Variants in ZFP92 observed in about 807,000 individuals in gnomAD.
The protein encoded by ZFP92 is ZFP92 zinc finger protein, also known as zinc finger protein 92 homolog.
A neutral mutation model predicts 7.6 loss-of-function variants in ZFP92; 2 were observed. That is an observed-to-expected ratio of 0.26 (90% confidence interval 0.11 to 0.83). The LOEUF is 0.83. ZFP92 is among the 40% of genes least tolerant of loss of function. The pLI is 0.65. For synonymous variants in ZFP92, 226 were observed against 183.6 expected, an observed-to-expected ratio of 1.23 and a Z score of -1.87; for missense variants, 324 against 408.3, an observed-to-expected ratio of 0.79 and a Z score of 1.78.
chrX:153,423,677 C>T lies in ZFP92; in HGVS notation c.*2049C>T, dbSNP rs2089023497. 8.8e-6 allele frequency: 1 copy of T among 113,551 alleles called. No individual in the cohort carries two copies. Among genetic ancestry groups the T allele is most frequent in the African/African-American group, 3.2e-5 (1 of 31,314 alleles). The allele number at this position is 113,551 out of a possible 1,213,427, so 9.4% of individuals were successfully genotyped here. A position where few individuals can be genotyped will look rare whatever the true frequency, so the allele number is the denominator to read the frequency against. The stretch of plus-strand genomic sequence containing the variant: ...TAGCACCTCAGACTCAGGCTTGGGA[C>T]CATTGTCGGCTCCAGCCTTGCCTTG... On this transcript the variant is annotated 3_prime_UTR_variant, in exon 6 of 6. Coordinates refer to ENST00000338647, the MANE Select transcript of ZFP92 (RefSeq NM_001136273.2).
chrX:153,419,423 C>A (rs1297851855), intron 4 of ZFP92, among the ~76,000 whole-genome samples: 1 of 112,601 alleles, frequency 8.9e-6, no homozygotes, highest in Non-Finnish European at 1.9e-5. Flanking sequence ...GGCCGGAGCA[C>A]TCAGGAAGGT....
chrX:153,425,610 G>A lies in ZFP92; in HGVS notation c.*3982G>A, dbSNP rs782597056. 112 of 111,832 alleles carry A rather than the reference G, an allele frequency of 1.0e-3. 1 individual carries two copies. Among genetic ancestry groups the A allele is most frequent in the African/African-American group, 3.4e-3 (105 of 30,820 alleles). The allele number at this position is 111,832 out of a possible 1,213,427, so 9.2% of individuals were successfully genotyped here. On this transcript the variant is annotated 3_prime_UTR_variant, in exon 6 of 6. Coordinates refer to ENST00000338647, the MANE Select transcript of ZFP92 (RefSeq NM_001136273.2). ...CACCACAAATTTTATAACTGTAGTC[G>A]TCTCGATGGTTGTGATGCCCATGAG... is the stretch of plus-strand genomic sequence containing the variant.
chrX:153,417,345 TTG>T (rs1177399747), intron 2 of ZFP92, among the ~76,000 whole-genome samples: 2 of 112,304 alleles, frequency 1.8e-5, no homozygotes, highest in Non-Finnish European at 3.8e-5. Context: ...TGCTGTGCTG[TTG>T]GCTGGCTACT....
chrX:153,420,677 G>A lies in ZFP92; in HGVS notation c.300G>A (p.Thr100=). 3 of 1,121,947 alleles carry A rather than the reference G, an allele frequency of 2.7e-6. No homozygotes were observed. The highest frequency in any genetic ancestry group is 3.5e-6 in the Non-Finnish European group (3 of 850,211). 92.5% of individuals were successfully genotyped at this position (1,121,947 alleles called of 1,213,427 possible). A position where few individuals can be genotyped will look rare whatever the true frequency, so the allele number is the denominator to read the frequency against. Residue 100 remains threonine (T), a synonymous_variant, in exon 6 of 6, where the codon ACG becomes ACA. Coordinates refer to ENST00000338647, the MANE Select transcript of ZFP92 (RefSeq NM_001136273.2). ...DRTQSKTSTS[T]QKHSGRQLPG... ...CACAGAGCAAGACGTCGACTTCAACGCAGAAGCATTCTGGACGACAACTCC... is the reference window on the plus strand; with the variant it reads ...CACAGAGCAAGACGTCGACTTCAACACAGAAGCATTCTGGACGACAACTCC...
chrX:153,418,462 T>C, intron 3 of ZFP92, 107 bp downstream of exon 3: 1 of 1,043,268 alleles, frequency 9.6e-7, no homozygotes, highest in Middle Eastern at 2.8e-4. Context: ...GCCCTTAGCA[T>C]CGTTTTCCTT....
chrX:153,418,398 C>G, intron 3 of ZFP92, 43 bp downstream of exon 3: 1 of 1,158,105 alleles, frequency 8.6e-7, no homozygotes, highest in Non-Finnish European at 1.2e-6. Flanking sequence ...CCTGGCAGCC[C>G]CCGTCTGCTG....
At chrX:153,414,317 C>T (rs1264006297) in intron 2 of ZFP92, among the ~76,000 whole-genome samples, 3 of 111,421 alleles carry the variant, frequency 2.7e-5, no homozygotes, top group Non-Finnish European at 5.7e-5. Flanking sequence ...TTTCTTTTCC[C>T]TCCTTTTTGA....
At chrX:153,415,523 C>G (rs2088944420) in intron 2 of ZFP92, among the ~76,000 whole-genome samples, 1 of 111,599 alleles carries the variant, frequency 9.0e-6, no homozygotes, top group Admixed American at 9.5e-5. Context: ...CTTCTTCCAC[C>G]TTTCGGCTCT....
At position 153,424,430 on chromosome X, in the gene ZFP92, G is replaced by A. The variant is rs2089029351; in HGVS notation, c.*2802G>A. On this transcript the variant is annotated 3_prime_UTR_variant, in exon 6 of 6. Coordinates refer to ENST00000338647, the MANE Select transcript of ZFP92 (RefSeq NM_001136273.2). The stretch of plus-strand genomic sequence containing the variant: ...TGAACGGGTTTCACATGGAATCAAA[G>A]TCAGAATGTTCGAAAAGGACATTTG... 8.9e-6 allele frequency: 1 copy of A among 112,452 alleles called. No individual in the cohort carries two copies. The highest frequency in any genetic ancestry group is 9.4e-5 in the Admixed American group (1 of 10,643). The allele number at this position is 112,452 out of a possible 1,213,427, so 9.3% of individuals were successfully genotyped here.
rs2089024161 is a variant in ZFP92, at chrX:153,423,760, G to A, written c.*2132G>A. 1 of 113,852 alleles carries A rather than the reference G, an allele frequency of 8.8e-6. No homozygotes were observed. The highest frequency in any genetic ancestry group is 9.2e-5 in the Admixed American group (1 of 10,890). The allele number at this position is 113,852 out of a possible 1,213,427, so 9.4% of individuals were successfully genotyped here. On this transcript the variant is annotated 3_prime_UTR_variant, in exon 6 of 6. Transcript: ENST00000338647. ...TCCAGAAAAAGAAGTATTAGGAATG[G>A]TGTATTTGAAGTCCCTGATGAGGCC...
At position 153,423,748 on chromosome X, in the gene ZFP92, G is replaced by C. The variant is rs2089024095; in HGVS notation, c.*2120G>C. ...GACTTTGGGTTTTCCAGAAAAAGAAGTATTAGGAATGGTGTATTTGAAGTC... is the reference window on the plus strand; with the variant it reads ...GACTTTGGGTTTTCCAGAAAAAGAACTATTAGGAATGGTGTATTTGAAGTC... On this transcript the variant is annotated 3_prime_UTR_variant, in exon 6 of 6. Coordinates refer to ENST00000338647, the MANE Select transcript of ZFP92 (RefSeq NM_001136273.2). 1 of 113,912 alleles carries C rather than the reference G, an allele frequency of 8.8e-6. No homozygotes were observed. The highest frequency in any genetic ancestry group is 3.2e-5 in the African/African-American group (1 of 31,441). 9.4% of individuals were successfully genotyped at this position (113,912 alleles called of 1,213,427 possible).
intron 2 of ZFP92, among the ~76,000 whole-genome samples, chrX:153,417,943 G>A (rs1336278893): frequency 2.7e-5 from 3 of 112,027 alleles, no homozygotes; most frequent in South Asian, 3.8e-4. Context: ...ATGGCCACAC[G>A]AAGACAGAGG....
At position 153,423,414 on chromosome X, in the gene ZFP92, A is replaced by ACT. The variant is rs1481633945; in HGVS notation, c.*1787_*1788insTC. 2 of 110,963 alleles carry ACT rather than the reference A, an allele frequency of 1.8e-5. No individual in the cohort carries two copies. The highest frequency in any genetic ancestry group is 5.7e-4 in the East Asian group (2 of 3,507). 9.1% of individuals were successfully genotyped at this position (110,963 alleles called of 1,213,427 possible). A position where few individuals can be genotyped will look rare whatever the true frequency, so the allele number is the denominator to read the frequency against. Reference sequence around the variant, plus strand: ...GTTATACACACACACACACACACACACACACACACACACACACACGATATA... The same window carrying ACT: ...GTTATACACACACACACACACACACACTCACACACACACACACACACGATATA... On this transcript the variant is annotated 3_prime_UTR_variant, in exon 6 of 6. Transcript: ENST00000338647.
chrX:153,422,940 C>T lies in ZFP92; in HGVS notation c.*1312C>T, dbSNP rs374449965. The T allele has an allele frequency of 8.9e-6, 1 of 112,657 alleles. No homozygotes were observed. The highest frequency in any genetic ancestry group is 9.3e-5 in the Admixed American group (1 of 10,752). The allele number at this position is 112,657 out of a possible 1,213,427, so 9.3% of individuals were successfully genotyped here. On this transcript the variant is annotated 3_prime_UTR_variant, in exon 6 of 6. Coordinates refer to ENST00000338647, the MANE Select transcript of ZFP92 (RefSeq NM_001136273.2). Reference sequence around the variant, plus strand: ...CCCCCAGATGAGTGTGGTGGCAAGCCTGGCCCCTCTTCTCCCTACAACGAT... The same window carrying T: ...CCCCCAGATGAGTGTGGTGGCAAGCTTGGCCCCTCTTCTCCCTACAACGAT...
rs1290513086 is a variant in ZFP92 at position 153,421,945 on chromosome X, C to A, written c.*317C>A. 8 of 165,533 alleles carry A rather than the reference C, an allele frequency of 4.8e-5. No homozygotes were observed. The highest frequency in any genetic ancestry group is 2.5e-4 in the African/African-American group (8 of 32,372). The allele number at this position is 165,533 out of a possible 1,213,427, so 13.6% of individuals were successfully genotyped here. On this transcript the variant is annotated 3_prime_UTR_variant, in exon 6 of 6. Coordinates refer to ENST00000338647, the MANE Select transcript of ZFP92 (RefSeq NM_001136273.2). ...CTGAGGCACATAGATGGCACCTGGGCCACTCGTCCCTGAGCCACAGGTACT... is the reference window on the plus strand; with the variant it reads ...CTGAGGCACATAGATGGCACCTGGGACACTCGTCCCTGAGCCACAGGTACT...
intron 2 of ZFP92, among the ~76,000 whole-genome samples, chrX:153,416,385 C>A (rs2088951559): frequency 8.9e-6 from 1 of 111,961 alleles, no homozygotes. Context: ...AGCATCCATT[C>A]CACCTTCAGG....
rs1392961680 is a variant in ZFP92 at position 153,424,576 on chromosome X, T to C, written c.*2948T>C. 1 of 112,228 alleles carries C rather than the reference T, an allele frequency of 8.9e-6. No individual in the cohort carries two copies. Among genetic ancestry groups the C allele is most frequent in the African/African-American group, 3.2e-5 (1 of 30,855 alleles). The allele number at this position is 112,228 out of a possible 1,213,427, so 9.2% of individuals were successfully genotyped here. On this transcript the variant is annotated 3_prime_UTR_variant, in exon 6 of 6. Transcript: ENST00000338647. ...AGCTAGAATGTAAAAGCTTAAACTA[T>C]GGGGAAAGTCTTGCCTGTTTTCCAA...
At position 153,418,817 on chromosome X, in the gene ZFP92, G is replaced by A. The variant is rs1556974386; in HGVS notation, c.160+18G>A. Reference sequence around the variant, plus strand: ...GTCACTGGGTAAGTGATCCCTCCACGACATACACACACCCAGTCCCACCTA... The same window carrying A: ...GTCACTGGGTAAGTGATCCCTCCACAACATACACACACCCAGTCCCACCTA... On this transcript the variant is annotated intron_variant, in intron 4 of 5. Transcript: ENST00000338647. 21 of 1,164,600 alleles carry A rather than the reference G, an allele frequency of 1.8e-5. No homozygotes were observed. Among genetic ancestry groups the A allele is most frequent in the South Asian group, 3.8e-5 (2 of 52,159 alleles).
chrX:153,415,315 T>C (rs2088942683), intron 2 of ZFP92, among the ~76,000 whole-genome samples: 1 of 112,843 alleles, frequency 8.9e-6, no homozygotes. Context: ...GGAAATGTGA[T>C]GTTACATCAC....
Sources: gnomAD v4.1 joint callset for allele counts (sites outside exome capture counted in the v4.1 genomes callset) on GRCh38, gnomAD v4.1.1 for gene constraint, MANE v1.5 for transcripts, NCBI Gene and HGNC (gene_info 2026-07-23, HGNC 2026-07-21) for gene names.